Variants in SLCO1A2 observed in about 807,000 individuals in gnomAD.
SLCO1A2 encodes solute carrier organic anion transporter family member 1A2, also known as OATP-1.
Under a neutral mutation model 69.0 loss-of-function variants are expected in SLCO1A2, and 67 were observed. That is an observed-to-expected ratio of 0.97 (90% CI 0.80 to 1.19). SLCO1A2 has a LOEUF of 1.19. SLCO1A2 is among the 50% of genes most tolerant of loss of function. The pLI, the probability that SLCO1A2 is intolerant of heterozygous loss-of-function variation, is 0.00. For synonymous variants in SLCO1A2, 260 were observed against 265.9 expected, an observed-to-expected ratio of 0.98 and a Z score of 0.22; for missense variants, 787 against 793.7, an observed-to-expected ratio of 0.99 and a Z score of 0.10.
At chr12:21,340,515 G>A (rs1341745280) in intron 2 of SLCO1A2, among the ~76,000 whole-genome samples, 1 of 151,986 alleles carries the variant, frequency 6.6e-6, no homozygotes, top group Non-Finnish European at 1.5e-5. Flanking sequence ...TTTAGTATTT[G>A]CCTCCGCATA....
intron 2 of SLCO1A2, among the ~76,000 whole-genome samples, chr12:21,365,655 A>T (rs1204017883): frequency 6.6e-6 from 1 of 152,180 alleles, no homozygotes; most frequent in African/African-American, 2.4e-5. Context: ...CCATCTGACA[A>T]AGGGCTAATA....
rs1319803172 is a variant in SLCO1A2 at position 21,267,977 on chromosome 12, G to T, written c.*1571C>A. 6.6e-6 allele frequency: 1 copy of T among 151,970 alleles called. No individual in the cohort carries two copies. The highest frequency in any genetic ancestry group is 2.4e-5 in the African/African-American group (1 of 41,386). The allele number at this position is 151,970 out of a possible 1,614,324, so 9.4% of individuals were successfully genotyped here. On this transcript the variant is annotated 3_prime_UTR_variant, in exon 15 of 15. Coordinates refer to ENST00000683939, the MANE Select transcript of SLCO1A2 (RefSeq NM_001386879.1). The stretch of plus-strand genomic sequence containing the variant: ...AAAGCCAGTCTTGGTTTGAACCTTG[G>T]TTATTTTTTATATGCCCAGAGTTGA...
chr12:21,319,423 C>T (rs1951307392), intron 2 of SLCO1A2: 1 of 1,367,854 alleles, frequency 7.3e-7, no homozygotes, highest in South Asian at 1.1e-5. Flanking sequence ...TGGTCAGAAA[C>T]ATTCTGCATT....
intron 2 of SLCO1A2, among the ~76,000 whole-genome samples, chr12:21,361,398 A>C (rs1938867048): frequency 6.6e-6 from 1 of 152,192 alleles, no homozygotes; most frequent in Non-Finnish European, 1.5e-5. Context: ...CACCATGATC[A>C]GAGACGAAAT....
chr12:21,377,216 A>G (rs1460404211), intron 1 of SLCO1A2, among the ~76,000 whole-genome samples: 1 of 152,196 alleles, frequency 6.6e-6, no homozygotes, highest in African/African-American at 2.4e-5. Flanking sequence ...TAGTCTTATC[A>G]TTAAAATTCT....
chr12:21,373,483 A>G (rs1390796559), intron 2 of SLCO1A2: 1 of 1,229,212 alleles, frequency 8.1e-7, no homozygotes, highest in Non-Finnish European at 1.2e-6. Context: ...AGTGTGAGAA[A>G]ATTAGAATTA....
At position 21,269,445 on chromosome 12, in the gene SLCO1A2, TA is replaced by T. The variant is rs1209172945; in HGVS notation, c.*102del. ...TGAGTTAAGAGGTTTTTTAGGTTCTTAAAGACAAGAAAAAGTTATCTATTAT... is the reference window on the plus strand; with the variant it reads ...TGAGTTAAGAGGTTTTTTAGGTTCTTAAGACAAGAAAAAGTTATCTATTAT... On this transcript the variant is annotated 3_prime_UTR_variant, in exon 15 of 15. Transcript: ENST00000683939. 3.8e-6 allele frequency: 3 copies of T among 782,766 alleles called. No homozygotes were observed. The allele number at this position is 782,766 out of a possible 1,614,324, so 48.5% of individuals were successfully genotyped here.
At chr12:21,351,501 C>T (rs761645036) in intron 2 of SLCO1A2, among the ~76,000 whole-genome samples, 3 of 152,060 alleles carry the variant, frequency 2.0e-5, no homozygotes, top group Admixed American at 1.3e-4. Context: ...TTAGGACAGG[C>T]GCAGTGGCTT....
intron 2 of SLCO1A2, chr12:21,373,304 C>A (rs1439818338): frequency 1.6e-6 from 2 of 1,235,944 alleles, no homozygotes; most frequent in Non-Finnish European, 2.4e-6. Flanking sequence ...TGTAAGAAAT[C>A]TCTTGATTTC....
Position 21,301,223 on chromosome 12 carries a change from C to G in SLCO1A2, c.636G>C (p.Leu212Phe), listed in dbSNP as rs1272118285. 6.2e-7 allele frequency: 1 copy of G among 1,612,354 alleles called. No individual in the cohort carries two copies. The highest frequency in any genetic ancestry group is 8.5e-7 in the Non-Finnish European group (1 of 1,179,392). The change falls in exon 7 of 15, where the codon TTG (leucine) becomes TTC (phenylalanine). Residue 212 changes from leucine (L) to phenylalanine (F), a missense_variant. By Grantham distance (22) the Leu-to-Phe change is conservative. Transcript: ENST00000683939. ...GAIIGPLIGLLLASFCANVYV... is the reference protein window; with the variant it reads ...GAIIGPLIGLFLASFCANVYV... ...AAACATTTGCACAGAATGATGCCAA[C>G]AAAAGTCCAATCAAAGGACCAATAA... is the stretch of plus-strand genomic sequence containing the variant.
intron 12 of SLCO1A2, among the ~76,000 whole-genome samples, chr12:21,277,325 G>T (rs1944047596): frequency 6.6e-6 from 1 of 151,470 alleles, no homozygotes; most frequent in South Asian, 2.1e-4. Flanking sequence ...TGAAGAGAAG[G>T]ACTCAGTACT....
chr12:21,325,834 G>A (rs11045974), intron 2 of SLCO1A2, among the ~76,000 whole-genome samples: 47,649 of 152,020 alleles, frequency 0.31, 7,611 homozygotes, highest in East Asian at 0.35. Flanking sequence ...AATTACCCCA[G>A]TGTTTTATTA....
In SLCO1A2 at chr12:21,267,914, C is replaced by G. The variant is rs1437899872; in HGVS notation, c.*1634G>C. 2 of 152,008 alleles carry G rather than the reference C, an allele frequency of 1.3e-5. No homozygotes were observed. Among genetic ancestry groups the G allele is most frequent in the African/African-American group, 2.4e-5 (1 of 41,416 alleles). The allele number at this position is 152,008 out of a possible 1,614,324, so 9.4% of individuals were successfully genotyped here. A position where few individuals can be genotyped will look rare whatever the true frequency, so the allele number is the denominator to read the frequency against. The stretch of plus-strand genomic sequence containing the variant: ...GTCATACCTACATCAAAGTTAAACT[C>G]CCCCTTTCCAATGATTTTAGTTCCT... On this transcript the variant is annotated 3_prime_UTR_variant, in exon 15 of 15. Transcript: ENST00000683939.
chr12:21,352,552 C>T (rs1048483298), intron 2 of SLCO1A2, among the ~76,000 whole-genome samples: 1 of 152,096 alleles, frequency 6.6e-6, no homozygotes, highest in Non-Finnish European at 1.5e-5. Flanking sequence ...AATCAAGAGT[C>T]CGTCAAGGCT....
chr12:21,367,010 C>A (rs1206970174), intron 2 of SLCO1A2, among the ~76,000 whole-genome samples: 2 of 151,428 alleles, frequency 1.3e-5, no homozygotes, highest in Non-Finnish European at 2.9e-5. Flanking sequence ...ACTGAGTTTC[C>A]AGCTCAGTCA....
rs570007246 is a variant in SLCO1A2 at position 21,334,814 on chromosome 12, A to T, written c.-63+13T>A. 3.6e-5 allele frequency: 20 copies of T among 559,888 alleles called. No individual in the cohort carries two copies. The highest frequency in any genetic ancestry group is 5.6e-5 in the Non-Finnish European group (18 of 324,164). The allele number at this position is 559,888 out of a possible 1,614,324, so 34.7% of individuals were successfully genotyped here. A position where few individuals can be genotyped will look rare whatever the true frequency, so the allele number is the denominator to read the frequency against. ...GAACAACATAATTGAAATCCATTGC[A>T]TTACAAAAATACCTGGAACGCTTTA... On this transcript the variant is annotated intron_variant, in intron 1 of 14. Transcript: ENST00000683939.
intron 1 of SLCO1A2, among the ~76,000 whole-genome samples, chr12:21,387,512 G>A (rs1022896199): frequency 5.9e-5 from 9 of 152,174 alleles, no homozygotes; most frequent in Non-Finnish European, 1.2e-4. Flanking sequence ...TTCAGAGGAT[G>A]CAAACTCCAA....
At chr12:21,349,166 C>T (rs1937732436) in intron 2 of SLCO1A2, among the ~76,000 whole-genome samples, 3 of 152,048 alleles carry the variant, frequency 2.0e-5, no homozygotes, top group African/African-American at 7.2e-5. Flanking sequence ...ACAAGAGTCA[C>T]CTCTGGCCTT....
At chr12:21,363,156 C>T (rs1399448103) in intron 2 of SLCO1A2, among the ~76,000 whole-genome samples, 1 of 152,126 alleles carries the variant, frequency 6.6e-6, no homozygotes, top group Non-Finnish European at 1.5e-5. Flanking sequence ...TAAAGCACTC[C>T]TCAGCAAATG....
Sources: allele counts gnomAD v4.1 joint callset (sites outside exome capture counted in the v4.1 genomes callset), GRCh38; gene constraint gnomAD v4.1.1; transcripts MANE v1.5; gene names NCBI Gene and HGNC (gene_info 2026-07-23, HGNC 2026-07-21).